The following ATP10A variants were observed in gnomAD, a reference collection of about 807,000 sequenced individuals.
The protein encoded by ATP10A is ATPase phospholipid transporting 10A (putative).
A neutral mutation model predicts 147.8 loss-of-function variants in ATP10A; 111 were observed. The observed-to-expected ratio is 0.75, with a 90% CI of 0.64 to 0.88. The LOEUF (loss-of-function observed/expected upper bound fraction) is 0.88. ATP10A is among the 40% of genes least tolerant of loss of function. ATP10A has a pLI of 0.00. For synonymous variants in ATP10A, 875 were observed against 841.6 expected (o/e 1.04, Z -0.69); for missense variants, 1,927 against 1,959.0 (o/e 0.98, Z 0.31).
intron 2 of ATP10A, among the ~76,000 whole-genome samples, chr15:25,742,092 A>G (rs961147410): frequency 6.6e-6 from 1 of 152,254 alleles, no homozygotes; most frequent in African/African-American, 2.4e-5. Context: ...TATGGAAGTG[A>G]TAAGTAGGTT....
At chr15:25,831,132 G>A (rs75954207) in intron 1 of ATP10A, among the ~76,000 whole-genome samples, 2,324 of 152,262 alleles carry the variant, frequency 0.015, 19 homozygotes, top group African/African-American at 0.034. Context: ...GCTGGACCCC[G>A]TGCATACCCA....
intron 13 of ATP10A, among the ~76,000 whole-genome samples, chr15:25,698,343 G>C (rs2140333665): frequency 6.6e-6 from 1 of 152,290 alleles, no homozygotes; most frequent in Admixed American, 6.5e-5. Context: ...TGGGAGAATA[G>C]ACACGACCAA....
intron 13 of ATP10A, among the ~76,000 whole-genome samples, chr15:25,697,069 C>G (rs371966075): frequency 1.1e-4 from 17 of 152,188 alleles, no homozygotes; most frequent in African/African-American, 4.1e-4. Context: ...TCTTGGGGAA[C>G]CAGAGGCGCT....
chr15:25,815,891 C>A (rs1891633828), intron 1 of ATP10A, among the ~76,000 whole-genome samples: 1 of 151,968 alleles, frequency 6.6e-6, no homozygotes, highest in South Asian at 2.1e-4. Context: ...GGTTCCAACT[C>A]TTGCAAATGT....
intron 3 of ATP10A, among the ~76,000 whole-genome samples, chr15:25,732,756 C>T (rs887728499): frequency 4.6e-5 from 7 of 151,722 alleles, no homozygotes; most frequent in East Asian, 1.9e-4. Context: ...GGGGTTTCAC[C>T]GTGTTAGCCA....
intron 3 of ATP10A, among the ~76,000 whole-genome samples, chr15:25,728,401 C>T (rs1279398620): frequency 6.6e-6 from 1 of 152,204 alleles, no homozygotes; most frequent in Non-Finnish European, 1.5e-5. Context: ...GCCGTTCAGC[C>T]AACGCCGTGT....
chr15:25,858,015 CA>C (rs1000823481), intron 1 of ATP10A, among the ~76,000 whole-genome samples: 1 of 152,196 alleles, frequency 6.6e-6, no homozygotes, highest in African/African-American at 2.4e-5. Context: ...CTTTGGATGA[CA>C]ACCAAGGTTT....
chr15:25,855,071 A>G (rs892993581), intron 1 of ATP10A, among the ~76,000 whole-genome samples: 3 of 151,580 alleles, frequency 2.0e-5, no homozygotes, highest in African/African-American at 7.3e-5. Context: ...CAAAAAAAAA[A>G]AAAAAACAGA....
intron 2 of ATP10A, among the ~76,000 whole-genome samples, chr15:25,757,595 G>A (rs1211941581): frequency 6.6e-6 from 1 of 152,124 alleles, no homozygotes; most frequent in East Asian, 1.9e-4. Flanking sequence ...CAGTAAATAG[G>A]AGAGATGAGA....
intron 1 of ATP10A, among the ~76,000 whole-genome samples, chr15:25,833,410 G>A (rs1892450340): frequency 1.3e-5 from 2 of 152,130 alleles, no homozygotes; most frequent in Non-Finnish European, 1.5e-5. Context: ...GTCCAGCCCC[G>A]CAGAGCCGAA....
intron 1 of ATP10A, among the ~76,000 whole-genome samples, chr15:25,783,484 C>CA (rs397746379): frequency 6.8e-5 from 10 of 147,278 alleles, no homozygotes; most frequent in African/African-American, 2.2e-4. Context: ...GGGACCCCCC[C>CA]CTGGCAAAGT....
chr15:25,683,377 G>T lies in ATP10A; in HGVS notation c.3401C>A (p.Pro1134His). Residue 1134 changes from proline (P) to histidine (H), a missense_variant, in exon 17 of 21, where the codon CCC (proline) becomes CAC (histidine). Physicochemically the swap from Pro to His is moderately conservative, Grantham distance 77. Coordinates refer to ENST00000555815, the MANE Select transcript of ATP10A (RefSeq NM_024490.4). ...IFFNLLFSSL[P>H]PLVTGVLDRD... ...GTCCAGCACCCCAGTCACGAGCGGG[G>T]GAAGTGACGAGAAGAGCAGATTAAA... 6.2e-7 allele frequency: 1 copy of T among 1,614,170 alleles called. No individual in the cohort carries two copies. Among genetic ancestry groups the T allele is most frequent in the Non-Finnish European group, 8.5e-7 (1 of 1,180,026 alleles).
intron 1 of ATP10A, among the ~76,000 whole-genome samples, chr15:25,843,396 C>T (rs1006950557): frequency 1.3e-5 from 2 of 152,050 alleles, no homozygotes; most frequent in Non-Finnish European, 2.9e-5. Flanking sequence ...GTGATTTAAA[C>T]GGGGAGTGGG....
chr15:25,762,511 G>A (rs566260804), intron 2 of ATP10A, among the ~76,000 whole-genome samples: 2 of 152,000 alleles, frequency 1.3e-5, no homozygotes, highest in Admixed American at 6.5e-5. Flanking sequence ...AAACTCCTGG[G>A]CTCACGTGAT....
intron 2 of ATP10A, 55 bp downstream of exon 2, chr15:25,780,964 G>A (rs1889889593): frequency 6.4e-7 from 1 of 1,569,520 alleles, no homozygotes. Flanking sequence ...AGGCTGTCAT[G>A]GGGACACTGT....
intron 1 of ATP10A, among the ~76,000 whole-genome samples, chr15:25,840,748 T>A (rs1286673252): frequency 6.6e-6 from 1 of 152,226 alleles, no homozygotes; most frequent in Admixed American, 6.5e-5. Context: ...AGAGTGGGTA[T>A]GTTTTACATT....
At chr15:25,759,644 C>A (rs1888645555) in intron 2 of ATP10A, among the ~76,000 whole-genome samples, 1 of 151,934 alleles carries the variant, frequency 6.6e-6, no homozygotes, top group African/African-American at 2.4e-5. Flanking sequence ...TATGTCTACA[C>A]AAAGTTTTTA....
intron 12 of ATP10A, 141 bp from the exon 13 acceptor site, chr15:25,702,241 G>C (rs1244590635): frequency 2.4e-6 from 2 of 821,278 alleles, no homozygotes; most frequent in African/African-American, 1.7e-5. Flanking sequence ...CAGGGGCTGG[G>C]CTGCCAGTTG....
rs114003800 is a variant in ATP10A, at chr15:25,736,066, G to A, written c.730C>T (p.Arg244Cys). Residue 244 changes from arginine (R) to cysteine (C), a missense_variant, in exon 3 of 21, where the codon CGC (arginine) becomes TGC (cysteine). By Grantham distance (180) the Arg-to-Cys change is radical. Transcript: ENST00000555815. ...EKPNNDLSRF[R>C]GCIIHDNGKK... ...ACACACGATACTCACATGCAGCCGC[G>A]AAACCTACTCAGGTCGTTGTTTGGC... 393 of 1,613,738 alleles carry A rather than the reference G, an allele frequency of 2.4e-4. No homozygotes were observed. In the East Asian group the frequency reaches 6.9e-3, roughly 28 times the overall value.
Sources: allele counts gnomAD v4.1 joint callset (sites outside exome capture counted in the v4.1 genomes callset), GRCh38; gene constraint gnomAD v4.1.1; transcripts MANE v1.5; gene names NCBI Gene and HGNC (gene_info 2026-07-23, HGNC 2026-07-21).